Variants in BNC2 observed in about 807,000 individuals in gnomAD.
BNC2 encodes zinc finger protein basonuclin-2.
BNC2 carries 20 observed loss-of-function variants against 76.3 expected under a neutral mutation model. The ratio of observed to expected loss-of-function variants is 0.26; its 90% CI spans 0.18 to 0.38. BNC2 has a LOEUF of 0.38. Among genes scored for constraint, BNC2 ranks in the 10% least tolerant of loss-of-function variants. The pLI is 1.00. For synonymous variants in BNC2, 582 were observed against 514.8 expected (o/e 1.13, Z -1.77); for missense variants, 1,382 against 1,399.8 (o/e 0.99, Z 0.20).
chr9:16,659,388 T>G (rs1280062489), intron 3 of BNC2, among the ~76,000 whole-genome samples: 1 of 151,956 alleles, frequency 6.6e-6, no homozygotes, highest in African/African-American at 2.4e-5. Context: ...GGTGGGCAGA[T>G]CAGGAGGTCA....
At chr9:16,568,221 C>G (rs903973865) in intron 4 of BNC2, among the ~76,000 whole-genome samples, 46 of 152,252 alleles carry the variant, frequency 3.0e-4, no homozygotes, top group African/African-American at 1.1e-3. Context: ...ACATTTAACA[C>G]ACGTCTTTAG....
intron 3 of BNC2, among the ~76,000 whole-genome samples, chr9:16,660,758 TAAC>T (rs1349419836): frequency 6.6e-6 from 1 of 151,790 alleles, no homozygotes; most frequent in Non-Finnish European, 1.5e-5. Context: ...GAAAAAAAAA[TAAC>T]AACACAACAA....
intron 5 of BNC2, among the ~76,000 whole-genome samples, chr9:16,492,953 A>C (rs1443526238): frequency 1.3e-5 from 2 of 152,150 alleles, no homozygotes; most frequent in African/African-American, 4.8e-5. Context: ...CATTAGTATA[A>C]ATAACATTCA....
chr9:16,685,725 G>T, intron 3 of BNC2: 1 of 739,500 alleles, frequency 1.4e-6, no homozygotes. Flanking sequence ...AATCCCAACT[G>T]CGGGTCTCTA....
rs150640575 is a variant in BNC2, at chr9:16,420,164, A to G, written c.2640-515T>C. On this transcript the variant is annotated intron_variant, in intron 6 of 6. Transcript: ENST00000380672. Reference sequence around the variant, plus strand: ...TTCATTTTTTAAAAAAGTAGCCTAGATAATTTAGATATAACTTCAAAAAAT... The same window carrying G: ...TTCATTTTTTAAAAAAGTAGCCTAGGTAATTTAGATATAACTTCAAAAAAT... Among the ~76,000 whole-genome samples the G allele has an allele frequency of 6.0e-3, 912 of 152,280 alleles. 7 individuals carry two copies. The highest frequency in any genetic ancestry group is 0.021 in the African/African-American group (872 of 41,548).
At chr9:16,519,558 T>C (rs56873701) in intron 5 of BNC2, among the ~76,000 whole-genome samples, 12,151 of 152,216 alleles carry the variant, frequency 0.08, 1,406 homozygotes, top group African/African-American at 0.25. Flanking sequence ...TAGTTAGACC[T>C]GGGGCTGCTG....
chr9:16,741,590 T>A (rs1824851380), intron 1 of BNC2, among the ~76,000 whole-genome samples: 1 of 151,520 alleles, frequency 6.6e-6, no homozygotes, highest in Admixed American at 6.6e-5. Flanking sequence ...TAGCTCAGAG[T>A]TCCCAGTTTG....
chr9:16,837,759 G>C (rs988347172), intron 1 of BNC2, among the ~76,000 whole-genome samples: 19 of 152,128 alleles, frequency 1.2e-4, no homozygotes, highest in Admixed American at 9.8e-4. Flanking sequence ...CCTAACTTCA[G>C]AGCTATCAAA....
rs577019211 is a variant in BNC2, at chr9:16,865,349, G to C, written c.3+5297C>G. 2.0e-5 allele frequency among the ~76,000 whole-genome samples: 3 copies of C among 152,130 alleles called. No homozygotes were observed. In the South Asian group the frequency reaches 6.2e-4, roughly 32 times the overall value. On this transcript the variant is annotated intron_variant, in intron 1 of 6. Transcript: ENST00000380672. ...AATTCCTGATACTCATCTTATTAGA[G>C]TTTTATAGTCAAGTTCTAGTCTTTA...
At position 16,738,407 on chromosome 9, in the gene BNC2, C is replaced by T; in HGVS notation, c.82G>A (p.Ala28Thr). 1 of 1,614,026 alleles carries T rather than the reference C, an allele frequency of 6.2e-7. No homozygotes were observed. Among genetic ancestry groups the T allele is most frequent in the Non-Finnish European group, 8.5e-7 (1 of 1,179,950 alleles). ...CCACAACATGGGACCTTGAAATATGCTGGCCAGTCTTGCTCACTAAGCCTG... is the reference window on the plus strand; with the variant it reads ...CCACAACATGGGACCTTGAAATATGTTGGCCAGTCTTGCTCACTAAGCCTG... ...EDRLSEQDWP[A>T]YFKVPCCGVD... The change falls in exon 2 of 7, where the codon GCA becomes ACA. Residue 28 changes from alanine to threonine, a missense_variant. Ala to Thr is a moderately conservative substitution (Grantham distance 58). This residue lies in a region of BNC2 where 557 missense variants were observed against 540.9 expected (regional missense o/e 1.03). Transcript: ENST00000380672.
intron 3 of BNC2, among the ~76,000 whole-genome samples, chr9:16,661,691 T>TTG (rs1171029052): frequency 6.6e-6 from 1 of 152,072 alleles, no homozygotes; most frequent in Admixed American, 6.6e-5. Context: ...ACTACATGTG[T>TTG]TGTGTGTGTG....
chr9:16,662,977 T>C (rs1822153496), intron 3 of BNC2, among the ~76,000 whole-genome samples: 1 of 152,144 alleles, frequency 6.6e-6, no homozygotes, highest in African/African-American at 2.4e-5. Context: ...TGATCTGCCC[T>C]CAAGGAGGTT....
chr9:16,833,829 GGCCTCCTA>G (rs1303578226), intron 1 of BNC2, among the ~76,000 whole-genome samples: 6 of 152,054 alleles, frequency 3.9e-5, no homozygotes, highest in Admixed American at 6.6e-5. Context: ...TCCTTAACAT[GGCCTCCTA>G]GCCCCTTCCT....
At chr9:16,630,028 T>C (rs1328610075) in intron 3 of BNC2, among the ~76,000 whole-genome samples, 1 of 152,240 alleles carries the variant, frequency 6.6e-6, no homozygotes, top group Non-Finnish European at 1.5e-5. Flanking sequence ...TCTTTCAAAA[T>C]TGGAGTCAAT....
At chr9:16,451,173 T>TA (rs1455708639) in intron 5 of BNC2, among the ~76,000 whole-genome samples, 1 of 152,154 alleles carries the variant, frequency 6.6e-6, no homozygotes, top group Non-Finnish European at 1.5e-5. Flanking sequence ...TTAAGAGAGA[T>TA]AAACTCATGG....
intron 1 of BNC2, among the ~76,000 whole-genome samples, chr9:16,834,568 T>C (rs749909525): frequency 1.3e-5 from 2 of 152,200 alleles, no homozygotes; most frequent in Non-Finnish European, 2.9e-5. Flanking sequence ...AAAACAATGC[T>C]ACTTCCTTAG....
intron 1 of BNC2, among the ~76,000 whole-genome samples, chr9:16,781,228 T>C (rs185204076): frequency 3.2e-3 from 44 of 13,680 alleles, no homozygotes; most frequent in South Asian, 6.7e-3. Context: ...ATTTTCAAAT[T>C]TGCACCAAAG....
chr9:16,447,335 T>C (rs1287317980), intron 5 of BNC2, among the ~76,000 whole-genome samples: 1 of 152,100 alleles, frequency 6.6e-6, no homozygotes, highest in Non-Finnish European at 1.5e-5. Context: ...AATGTTCACA[T>C]GTAAAGAGGA....
intron 5 of BNC2, among the ~76,000 whole-genome samples, chr9:16,448,981 A>C (rs1821284548): frequency 6.6e-6 from 1 of 152,208 alleles, no homozygotes; most frequent in Non-Finnish European, 1.5e-5. Flanking sequence ...CGTAGAGATT[A>C]TATATTTTAT....
Sources: gnomAD v4.1 joint callset for allele counts (sites outside exome capture counted in the v4.1 genomes callset) on GRCh38, gnomAD v4.1.1 for gene constraint, gnomAD v4.1.1 regional missense constraint, MANE v1.5 for transcripts, NCBI Gene and HGNC (gene_info 2026-07-23, HGNC 2026-07-21) for gene names.